Variants in TANC1 observed in about 807,000 individuals in gnomAD.
TANC1 encodes protein TANC1.
TANC1 carries 77 observed loss-of-function variants against 149.7 expected under a neutral mutation model. The ratio of observed to expected loss-of-function variants is 0.51; its 90% confidence interval spans 0.43 to 0.62. The LOEUF is 0.62. Ranked by LOEUF, TANC1 falls within the 20% of genes least tolerant of loss-of-function variation. TANC1 has a pLI of 0.00. For synonymous variants in TANC1, 854 were observed against 925.0 expected (o/e 0.92, Z 1.39); for missense variants, 1,985 against 2,321.8 (o/e 0.85, Z 2.98).
In TANC1 at chr2:159,175,198, G is replaced by T. The variant is rs2055709445; in HGVS notation, c.1735+14G>T. 1 of 1,599,034 alleles carries T rather than the reference G, an allele frequency of 6.3e-7. No homozygotes were observed. The highest frequency in any genetic ancestry group is 8.6e-7 in the Non-Finnish European group (1 of 1,166,484). ...ACCTGAGAAATGGTACTTCGCAGCAGCTACCCACAGCCCCATCTCAGTAGT... is the reference window on the plus strand; with the variant it reads ...ACCTGAGAAATGGTACTTCGCAGCATCTACCCACAGCCCCATCTCAGTAGT... On this transcript the variant is annotated intron_variant, in intron 12 of 26. Transcript: ENST00000263635.
intron 5 of TANC1, chr2:159,148,022 G>A (rs1000844485): frequency 3.9e-5 from 6 of 152,170 alleles, no homozygotes; most frequent in African/African-American, 1.4e-4. Flanking sequence ...TAGCTCAACG[G>A]CAACATCACT....
intron 2 of TANC1, among the ~76,000 whole-genome samples, chr2:159,033,722 G>T (rs1008884674): frequency 5.9e-5 from 9 of 152,146 alleles, no homozygotes; most frequent in African/African-American, 2.2e-4. Flanking sequence ...GATGGAGCCG[G>T]TGTTCCCGCA....
chr2:159,071,711 G>A (rs922385785), intron 3 of TANC1, among the ~76,000 whole-genome samples: 3 of 152,100 alleles, frequency 2.0e-5, no homozygotes, highest in Admixed American at 6.5e-5. Flanking sequence ...TAGAAAATAC[G>A]AAGCTGCTTT....
At chr2:159,010,408 A>G (rs2037634047) in intron 2 of TANC1, among the ~76,000 whole-genome samples, 1 of 152,188 alleles carries the variant, frequency 6.6e-6, no homozygotes, top group Admixed American at 6.5e-5. Context: ...AGTCCTTGAG[A>G]AAAGTAGCCT....
chr2:159,008,909 C>T (rs959845313), intron 2 of TANC1, among the ~76,000 whole-genome samples: 3 of 152,182 alleles, frequency 2.0e-5, no homozygotes, highest in Non-Finnish European at 1.5e-5. Context: ...TCAGTAACCA[C>T]CTAGACCAAC....
intron 5 of TANC1, among the ~76,000 whole-genome samples, chr2:159,142,302 C>T (rs898700680): frequency 4.6e-5 from 7 of 152,172 alleles, no homozygotes; most frequent in Admixed American, 2.6e-4. Context: ...TGTAATAATA[C>T]GGAGAAGGTA....
At chr2:158,970,153 GGGGT>G (rs1381792455) in intron 1 of TANC1, among the ~76,000 whole-genome samples, 1 of 151,876 alleles carries the variant, frequency 6.6e-6, no homozygotes, top group African/African-American at 2.4e-5. Flanking sequence ...TGGAGGGGTG[GGGGT>G]GGGAGAGGAA....
chr2:158,976,033 C>T (rs988503202), intron 1 of TANC1, among the ~76,000 whole-genome samples: 14 of 151,560 alleles, frequency 9.2e-5, no homozygotes, highest in African/African-American at 3.4e-4. Flanking sequence ...GGGGTTTCCC[C>T]ATGTTGCCCA....
chr2:159,021,365 A>C (rs2038820198), intron 2 of TANC1, among the ~76,000 whole-genome samples: 1 of 152,204 alleles, frequency 6.6e-6, no homozygotes, highest in African/African-American at 2.4e-5. Flanking sequence ...TCTCTCATTC[A>C]ACTGAAAATC....
At chr2:159,117,961 GTTTTTCTCTACTGGAA>G (rs1173731922) in intron 4 of TANC1, among the ~76,000 whole-genome samples, 14 of 53,982 alleles carry the variant, frequency 2.6e-4, no homozygotes, top group Middle Eastern at 0.013. Context: ...CTCTACTGGA[GTTTTTCTCTACTGGAA>G]TTTTTCTGTA....
chr2:159,127,402 C>T (rs986182988), intron 4 of TANC1, among the ~76,000 whole-genome samples: 28 of 152,302 alleles, frequency 1.8e-4, no homozygotes, highest in African/African-American at 5.1e-4. Flanking sequence ...GACAGTGTGG[C>T]GATTCCTCAA....
rs1370629029 is a variant in TANC1, at chr2:159,219,374, T to C, written c.3502+13T>C. 1 of 1,584,650 alleles carries C rather than the reference T, an allele frequency of 6.3e-7. No homozygotes were observed. The highest frequency in any genetic ancestry group is 8.6e-7 in the Non-Finnish European group (1 of 1,159,048). On this transcript the variant is annotated intron_variant, in intron 21 of 26. Coordinates refer to ENST00000263635, the MANE Select transcript of TANC1 (RefSeq NM_033394.3). Reference sequence around the variant, plus strand: ...CTCCTTTCAAAAGGTAGCAGCGTGATGCCCTCAAAGGTTTCTTTTGGACGG... The same window carrying C: ...CTCCTTTCAAAAGGTAGCAGCGTGACGCCCTCAAAGGTTTCTTTTGGACGG...
intron 2 of TANC1, among the ~76,000 whole-genome samples, chr2:159,019,908 A>G (rs773943523): frequency 1.3e-5 from 2 of 151,750 alleles, no homozygotes; most frequent in Non-Finnish European, 2.9e-5. Flanking sequence ...TTCATATAGC[A>G]ATGGTCAGTA....
intron 13 of TANC1, 51 bp from the exon 14 acceptor site, chr2:159,178,505 A>G (rs1488669985): frequency 6.6e-7 from 1 of 1,509,710 alleles, no homozygotes; most frequent in South Asian, 1.4e-5. Flanking sequence ...TGTTAAAATA[A>G]AAAAGGAATC....
chr2:159,203,627 A>G (rs1029708330), intron 19 of TANC1, among the ~76,000 whole-genome samples: 1 of 152,050 alleles, frequency 6.6e-6, no homozygotes, highest in Non-Finnish European at 1.5e-5. Context: ...GTGCAGTGGC[A>G]CAATCACAGT....
chr2:159,024,445 C>T (rs766010592), intron 2 of TANC1, among the ~76,000 whole-genome samples: 24 of 152,114 alleles, frequency 1.6e-4, no homozygotes, highest in Non-Finnish European at 2.5e-4. Context: ...TACTCTATGC[C>T]GCACTGTTTA....
At chr2:159,205,764 A>G (rs1159709035) in intron 19 of TANC1, among the ~76,000 whole-genome samples, 1 of 152,232 alleles carries the variant, frequency 6.6e-6, no homozygotes, top group Admixed American at 6.5e-5. Flanking sequence ...GGCCTTTCTC[A>G]GGAAGTATCC....
At chr2:159,095,709 C>A (rs2046037699) in intron 3 of TANC1, among the ~76,000 whole-genome samples, 1 of 133,358 alleles carries the variant, frequency 7.5e-6, no homozygotes, top group African/African-American at 3.0e-5. Flanking sequence ...GCACTCCAGC[C>A]TGGGCAACAC....
Position 159,230,840 on chromosome 2 carries a change from A to C in TANC1, c.5414A>C (p.Glu1805Ala), listed in dbSNP as rs1170394244. ...HNGAQVKELE[E>A]SKCQIPVHSQ... ...GGGGCACAAGTGAAGGAGCTAGAAG[A>C]AAGCAAGTGCCAAATTCCAGTCCAC... Residue 1805 changes from glutamate (E) to alanine (A), a missense_variant, in exon 27 of 27, where the codon GAA becomes GCA. Coordinates refer to ENST00000263635, the MANE Select transcript of TANC1 (RefSeq NM_033394.3). This position sits in a 1 kb window ranked among gnomAD's most constrained non-coding sequence, Gnocchi z 4.4. The C allele has an allele frequency of 1.1e-5, 18 of 1,614,148 alleles. No homozygotes were observed. Among genetic ancestry groups the C allele is most frequent in the East Asian group, 2.2e-5 (1 of 44,898 alleles).
Sources: gnomAD v4.1 joint callset for allele counts (sites outside exome capture counted in the v4.1 genomes callset) on GRCh38, gnomAD v4.1.1 for gene constraint, Gnocchi (gnomAD v3.1) non-coding constraint, MANE v1.5 for transcripts, NCBI Gene and HGNC (gene_info 2026-07-23, HGNC 2026-07-21) for gene names.